The following LOXL3 variants were observed in gnomAD, a reference collection of about 807,000 sequenced individuals.
LOXL3 encodes lysyl oxidase like 3.
In LOXL3, 60 loss-of-function variants were observed where a neutral mutation model predicts 91.8. The ratio of observed to expected loss-of-function variants is 0.65; its 90% CI spans 0.53 to 0.81. The LOEUF is 0.81. Among genes scored for constraint, LOXL3 ranks in the 30% least tolerant of loss-of-function variants. The pLI, the probability that LOXL3 is intolerant of heterozygous loss-of-function variation, is 0.00. For missense variants in LOXL3, 874 were observed against 1,000.4 expected, an observed-to-expected ratio of 0.87 and a Z score of 1.70; for synonymous variants, 355 against 387.6, an observed-to-expected ratio of 0.92 and a Z score of 0.99.
Position 74,549,408 on chromosome 2 carries a change from C to G in LOXL3, c.653G>C (p.Gly218Ala), listed in dbSNP as rs1479059838. ...GTTGACCCTCTTTTCGCTGGGGAAGCCCAGCATCCCGCAGACCACGTGGCT... is the reference window on the plus strand; with the variant it reads ...GTTGACCCTCTTTTCGCTGGGGAAGGCCAGCATCCCGCAGACCACGTGGCT... The part of the protein sequence containing the change: ...HNSHVVCGML[G>A]FPSEKRVNAA... The change falls in exon 4 of 14, where the codon GGC becomes GCC. Residue 218 changes from glycine to alanine, a missense_variant. Coordinates refer to ENST00000264094, the MANE Select transcript of LOXL3 (RefSeq NM_032603.5). The surrounding 1 kb of genome is among the most constrained non-coding windows in gnomAD (Gnocchi z 5.3). The G allele has an allele frequency of 6.2e-7, 1 of 1,612,028 alleles. No individual in the cohort carries two copies. Among genetic ancestry groups the G allele is most frequent in the Admixed American group, 1.7e-5 (1 of 59,892 alleles).
chr2:74,549,432 C>G lies in LOXL3; in HGVS notation c.629G>C (p.Ser210Thr). The G allele has an allele frequency of 6.2e-7, 1 of 1,613,190 alleles. No individual in the cohort carries two copies. Among genetic ancestry groups the G allele is most frequent in the South Asian group, 1.1e-5 (1 of 90,930 alleles). Residue 210 changes from serine to threonine, a missense_variant, in exon 4 of 14, where the codon AGC (serine) becomes ACC (threonine). Coordinates refer to ENST00000264094, the MANE Select transcript of LOXL3 (RefSeq NM_032603.5). The surrounding 1 kb of genome is among the most constrained non-coding windows in gnomAD (Gnocchi z 5.3). ...VCDKGWSAHN[S>T]HVVCGMLGFP... ...GCCCAGCATCCCGCAGACCACGTGG[C>G]TGTTGTGGGCGCTCCAGCCTTTGTC...
rs1676029784 is a variant in LOXL3 at position 74,536,459 on chromosome 2, G to C, written c.925C>G (p.Leu309Val). The part of the protein sequence containing the change: ...SKPQGEARVR[L>V]KGGAHPGEGR... ...TCTCCAGGGTGGGCGCCGCCCTTTAGACGGACACGGGCCTATAGAAGAGAG... is the reference window on the plus strand; with the variant it reads ...TCTCCAGGGTGGGCGCCGCCCTTTACACGGACACGGGCCTATAGAAGAGAG... The change falls in exon 6 of 14, where the codon CTA becomes GTA. Residue 309 changes from leucine (L) to valine (V), a missense_variant. Physicochemically the swap from Leu to Val is conservative, Grantham distance 32. Coordinates refer to ENST00000264094, the MANE Select transcript of LOXL3 (RefSeq NM_032603.5). The surrounding 1 kb of genome is among the most constrained non-coding windows in gnomAD (Gnocchi z 4.5). 6.2e-7 allele frequency: 1 copy of C among 1,613,342 alleles called. No individual in the cohort carries two copies. Among genetic ancestry groups the C allele is most frequent in the Non-Finnish European group, 8.5e-7 (1 of 1,179,852 alleles).
Position 74,532,754 on chromosome 2 carries a change from G to T in LOXL3, c.*852C>A. 1 of 1,612,562 alleles carries T rather than the reference G, an allele frequency of 6.2e-7. No individual in the cohort carries two copies. The highest frequency in any genetic ancestry group is 8.5e-7 in the Non-Finnish European group (1 of 1,178,598). On this transcript the variant is annotated 3_prime_UTR_variant, in exon 14 of 14. Coordinates refer to ENST00000264094, the MANE Select transcript of LOXL3 (RefSeq NM_032603.5). ...GCAGTGTGATATGGGGATGGGCAAG[G>T]TGTGCATGTGTCCTTGAACTAGGCT...
rs563105799 is a variant in LOXL3 at position 74,549,671 on chromosome 2, T to C, written c.478-88A>G. The C allele has an allele frequency of 1.2e-4, 173 of 1,476,710 alleles. No homozygotes were observed. The East Asian group carries it at 4.2e-3, about 35-fold the overall frequency. The allele number at this position is 1,476,710 out of a possible 1,614,324, so 91.5% of individuals were successfully genotyped here. ...CTTAAGGAACCCTGCTTGGTGTGCC[T>C]GCTGTAAACCCAGTGGCGGGATGGG... On this transcript the variant is annotated intron_variant, in intron 3 of 13. Transcript: ENST00000264094. This position sits in a 1 kb window ranked among gnomAD's most constrained non-coding sequence, Gnocchi z 5.3.
At chr2:74,534,033 C>G in intron 12 of LOXL3, 40 bp from the exon 13 acceptor site, 1 of 1,611,438 alleles carries the variant, frequency 6.2e-7, no homozygotes, top group South Asian at 1.1e-5. Flanking sequence ...AGCGACAATC[C>G]TCGAATTCAA....
intron 4 of LOXL3, among the ~76,000 whole-genome samples, chr2:74,542,339 C>T (rs912229506): frequency 1.3e-5 from 2 of 152,018 alleles, no homozygotes; most frequent in African/African-American, 4.8e-5. Flanking sequence ...AGAAAAAACC[C>T]AAAACAAAAA....
chr2:74,549,523 G>T lies in LOXL3; in HGVS notation c.538C>A (p.Arg180=). The T allele has an allele frequency of 6.2e-7, 1 of 1,613,322 alleles. No individual in the cohort carries two copies. Among genetic ancestry groups the T allele is most frequent in the South Asian group, 1.1e-5 (1 of 91,010 alleles). Residue 180 remains arginine, a synonymous_variant, in exon 4 of 14, where the codon CGA becomes AGA. Transcript: ENST00000264094. The surrounding 1 kb of genome is among the most constrained non-coding windows in gnomAD (Gnocchi z 5.3). ...RIRPAVGWGR[R]PLPVTEGLVE... is the part of the protein sequence containing the mutation. ...AGCCCCTCCGTCACGGGCAGGGGTC[G>T]TCTGCCCCACCCAACGGCGGGTCGA...
Position 74,536,941 on chromosome 2 carries a change from G to C in LOXL3, c.693-13C>G. The C allele has an allele frequency of 6.2e-7, 1 of 1,611,856 alleles. No individual in the cohort carries two copies. The highest frequency in any genetic ancestry group is 8.5e-7 in the Non-Finnish European group (1 of 1,178,180). On this transcript the variant is annotated splice_polypyrimidine_tract_variant and intron_variant, in intron 4 of 13. Transcript: ENST00000264094. The surrounding 1 kb of genome is among the most constrained non-coding windows in gnomAD (Gnocchi z 4.5). ...TTGGGCTAGCAGCCTAGGGGGACAGGAGTGAGGTGCAGTAGGGTAAAACAA... is the reference window on the plus strand; with the variant it reads ...TTGGGCTAGCAGCCTAGGGGGACAGCAGTGAGGTGCAGTAGGGTAAAACAA...
chr2:74,554,522 C>A, upstream of LOXL3: 1 of 571,292 alleles, frequency 1.8e-6, no homozygotes, highest in South Asian at 2.1e-5. This position sits in a 1 kb window ranked among gnomAD's most constrained non-coding sequence, Gnocchi z 4.9. Flanking sequence ...TTCGGTGGAG[C>A]CACTGGCGCG....
intron 4 of LOXL3, among the ~76,000 whole-genome samples, chr2:74,546,977 G>A (rs1676631319): frequency 6.6e-6 from 1 of 152,158 alleles, no homozygotes; most frequent in African/African-American, 2.4e-5. Flanking sequence ...ACCTCCCAAA[G>A]TGCTGGGATT....
chr2:74,537,631 C>T (rs1676102715), intron 4 of LOXL3, among the ~76,000 whole-genome samples: 1 of 152,212 alleles, frequency 6.6e-6, no homozygotes, highest in African/African-American at 2.4e-5. Flanking sequence ...GCAAAGACAT[C>T]CCAGGACCTG....
chr2:74,536,024 T>G lies in LOXL3; in HGVS notation c.1220A>C (p.Asn407Thr). ...SHSQDAGVRC[N>T]LPYTGAETRI... ...GGTCTCTGCCCCAGTGTAAGGTAGG[T>G]TGCACCGGACCCCGGCATCCTGGCT... The change falls in exon 7 of 14, where the codon AAC (asparagine) becomes ACC (threonine). Residue 407 changes from asparagine to threonine, a missense_variant. Coordinates refer to ENST00000264094, the MANE Select transcript of LOXL3 (RefSeq NM_032603.5). This position sits in a 1 kb window ranked among gnomAD's most constrained non-coding sequence, Gnocchi z 4.5. The G allele has an allele frequency of 6.3e-7, 1 of 1,593,924 alleles. No individual in the cohort carries two copies. The highest frequency in any genetic ancestry group is 8.5e-7 in the Non-Finnish European group (1 of 1,170,428).
At position 74,535,220 on chromosome 2, in the gene LOXL3, GC is replaced by G; in HGVS notation, c.1579+71del. On this transcript the variant is annotated intron_variant, in intron 9 of 13. Coordinates refer to ENST00000264094, the MANE Select transcript of LOXL3 (RefSeq NM_032603.5). The surrounding 1 kb of genome is among the most constrained non-coding windows in gnomAD (Gnocchi z 4.2). The stretch of plus-strand genomic sequence containing the variant: ...GGAAGAAGTGCCCCTCCAGATTACA[GC>G]CCCCTTTCCCTGCAAACGGGTGGCC... The G allele has an allele frequency of 6.6e-7, 1 of 1,512,976 alleles. No homozygotes were observed. Among genetic ancestry groups the G allele is most frequent in the Admixed American group, 2.0e-5 (1 of 49,234 alleles). The allele number at this position is 1,512,976 out of a possible 1,614,324, so 93.7% of individuals were successfully genotyped here. A position where few individuals can be genotyped will look rare whatever the true frequency, so the allele number is the denominator to read the frequency against.
Position 74,534,085 on chromosome 2 carries a change from C to T in LOXL3, c.2076+15G>A, listed in dbSNP as rs369778040. 1.2e-6 allele frequency: 2 copies of T among 1,613,636 alleles called. No individual in the cohort carries two copies. The highest frequency in any genetic ancestry group is 1.1e-5 in the South Asian group (1 of 91,070). On this transcript the variant is annotated intron_variant, in intron 12 of 13. Coordinates refer to ENST00000264094, the MANE Select transcript of LOXL3 (RefSeq NM_032603.5). Reference sequence around the variant, plus strand: ...CCCCCCACTCACCCATCTGGAAGCCCCAGACTCCAGGTACCTGGAGAATGT... The same window carrying T: ...CCCCCCACTCACCCATCTGGAAGCCTCAGACTCCAGGTACCTGGAGAATGT...
At chr2:74,548,319 T>C (rs1165005261) in intron 4 of LOXL3, among the ~76,000 whole-genome samples, 2 of 152,152 alleles carry the variant, frequency 1.3e-5, no homozygotes, top group Non-Finnish European at 2.9e-5. Flanking sequence ...TATACCTGGG[T>C]TGGAAAAGGC....
At chr2:74,546,718 T>G (rs1015390304) in intron 4 of LOXL3, among the ~76,000 whole-genome samples, 23 of 152,318 alleles carry the variant, frequency 1.5e-4, no homozygotes, top group African/African-American at 5.5e-4. Context: ...AATTTATTTT[T>G]ATTTTATTTT....
chr2:74,549,287 C>G lies in LOXL3; in HGVS notation c.692+82G>C. 7.0e-7 allele frequency: 1 copy of G among 1,426,946 alleles called. No homozygotes were observed. Among genetic ancestry groups the G allele is most frequent in the African/African-American group, 1.4e-5 (1 of 69,708 alleles). 88.4% of individuals were successfully genotyped at this position (1,426,946 alleles called of 1,614,324 possible). A position where few individuals can be genotyped will look rare whatever the true frequency, so the allele number is the denominator to read the frequency against. On this transcript the variant is annotated intron_variant, in intron 4 of 13. Transcript: ENST00000264094. This position sits in a 1 kb window ranked among gnomAD's most constrained non-coding sequence, Gnocchi z 5.3. ...CCCCCGGGTCCTCCCGTGCCCCGGA[C>G]CTGCTCAGATGTCTCCCAAGGCTAT...
At chr2:74,543,900 C>CAAAAAAAAAAAAAAAAAAAAAAAA (rs960168777) in intron 4 of LOXL3, among the ~76,000 whole-genome samples, 3 of 65,162 alleles carry the variant, frequency 4.6e-5, no homozygotes, top group South Asian at 4.1e-4. Context: ...GGCTCTGTCT[C>CAAAAAAAAAAAAAAAAAAAAAAAA]AAAAAAAAAA....
chr2:74,555,135 ACTCT>A (rs200468716), upstream of LOXL3: 59 of 1,589,990 alleles, frequency 3.7e-5, no homozygotes, highest in Admixed American at 5.1e-5. This position sits in a 1 kb window ranked among gnomAD's most constrained non-coding sequence, Gnocchi z 6.1. Context: ...CCTCTCGAGC[ACTCT>A]CTCTCTCTCC....
Sources: gnomAD v4.1 joint callset for allele counts (sites outside exome capture counted in the v4.1 genomes callset) on GRCh38, gnomAD v4.1.1 for gene constraint, Gnocchi (gnomAD v3.1) non-coding constraint, MANE v1.5 for transcripts, NCBI Gene and HGNC (gene_info 2026-07-23, HGNC 2026-07-21) for gene names.